The following C8A variants were observed in gnomAD, a reference collection of about 807,000 sequenced individuals.
The protein encoded by C8A is complement component C8 alpha chain.
A neutral mutation model predicts 65.3 loss-of-function variants in C8A; 67 were observed. That is an observed-to-expected ratio of 1.03 (90% CI 0.84 to 1.26). The LOEUF (loss-of-function observed/expected upper bound fraction) is 1.26. Among genes scored for constraint, C8A ranks in the 50% most tolerant of loss-of-function variants. The pLI, the probability that C8A is intolerant of heterozygous loss-of-function variation, is 0.00. For synonymous variants in C8A, 290 were observed against 259.4 expected (o/e 1.12, Z -1.13); for missense variants, 781 against 723.9 (o/e 1.08, Z -0.90).
chr1:56,898,621 T>C (rs1015728678), intron 7 of C8A, among the ~76,000 whole-genome samples: 2 of 152,152 alleles, frequency 1.3e-5, no homozygotes, highest in Non-Finnish European at 2.9e-5. Flanking sequence ...CAGTTCTGGG[T>C]TGGAAGCCTG....
intron 7 of C8A, among the ~76,000 whole-genome samples, chr1:56,887,456 G>A (rs1245846580): frequency 6.6e-6 from 1 of 152,154 alleles, no homozygotes; most frequent in East Asian, 1.9e-4. Context: ...AATGACCAGT[G>A]ATGATGAGCT....
chr1:56,885,342 A>T (rs59567194), intron 6 of C8A, among the ~76,000 whole-genome samples: 5 of 94,778 alleles, frequency 5.3e-5, no homozygotes, highest in Admixed American at 1.5e-4. Flanking sequence ...ATATATTTAC[A>T]TAAATATATA....
intron 10 of C8A, among the ~76,000 whole-genome samples, chr1:56,913,121 C>T (rs989239655): frequency 6.6e-6 from 1 of 152,118 alleles, no homozygotes; most frequent in African/African-American, 2.4e-5. Context: ...CAGTCTCTGC[C>T]TCTGTCTTCG....
At chr1:56,905,504 C>T (rs1055082941) in intron 7 of C8A, among the ~76,000 whole-genome samples, 2 of 152,222 alleles carry the variant, frequency 1.3e-5, no homozygotes, top group Admixed American at 1.3e-4. Flanking sequence ...ACACGGCACA[C>T]ACCACATTGC....
intron 1 of C8A, among the ~76,000 whole-genome samples, chr1:56,865,875 C>T (rs990979080): frequency 1.3e-5 from 2 of 152,152 alleles, no homozygotes; most frequent in African/African-American, 4.8e-5. Flanking sequence ...ATTTGTAAGG[C>T]ACATACTCAG....
Position 56,917,816 on chromosome 1 carries a change from C to A in C8A, c.*100C>A. 1 of 1,451,578 alleles carries A rather than the reference C, an allele frequency of 6.9e-7. No homozygotes were observed. Among genetic ancestry groups the A allele is most frequent in the Non-Finnish European group, 9.5e-7 (1 of 1,047,256 alleles). 89.9% of individuals were successfully genotyped at this position (1,451,578 alleles called of 1,614,324 possible). On this transcript the variant is annotated 3_prime_UTR_variant, in exon 11 of 11. Transcript: ENST00000361249. The stretch of plus-strand genomic sequence containing the variant: ...TCAACTAAGAGAAGATGCAAATCAG[C>A]ACACTTTTTTCTTTGTTCTGCCAGC...
At chr1:56,884,313 A>C (rs1461111047) in intron 6 of C8A, among the ~76,000 whole-genome samples, 1 of 152,086 alleles carries the variant, frequency 6.6e-6, no homozygotes, top group Non-Finnish European at 1.5e-5. Flanking sequence ...GATTGAAAGT[A>C]CTTCAGCCAG....
chr1:56,899,518 A>G (rs1189152466), intron 7 of C8A, among the ~76,000 whole-genome samples: 1 of 152,178 alleles, frequency 6.6e-6, no homozygotes, highest in African/African-American at 2.4e-5. Context: ...ACACTGAGTG[A>G]GCTAACACAT....
At chr1:56,895,918 C>T (rs1056056087) in intron 7 of C8A, among the ~76,000 whole-genome samples, 1 of 152,052 alleles carries the variant, frequency 6.6e-6, no homozygotes, top group Non-Finnish European at 1.5e-5. Context: ...CATTGCACTG[C>T]AGCCTGGATA....
At position 56,917,722 on chromosome 1, in the gene C8A, T is replaced by C; in HGVS notation, c.*6T>C. ...TACAGACGCAGGCTTGCTGAGGGCC[T>C]CTGGACACAGGCTGGACCAGATGCT... is the stretch of plus-strand genomic sequence containing the variant. On this transcript the variant is annotated 3_prime_UTR_variant, in exon 11 of 11. Coordinates refer to ENST00000361249, the MANE Select transcript of C8A (RefSeq NM_000562.3). 1 of 1,613,948 alleles carries C rather than the reference T, an allele frequency of 6.2e-7. No homozygotes were observed. The highest frequency in any genetic ancestry group is 8.5e-7 in the Non-Finnish European group (1 of 1,180,018).
chr1:56,877,059 G>T (rs1644205086), intron 4 of C8A, among the ~76,000 whole-genome samples: 1 of 152,184 alleles, frequency 6.6e-6, no homozygotes, highest in Admixed American at 6.5e-5. Flanking sequence ...AGAAGACAAA[G>T]ATATACCAGC....
At chr1:56,891,687 A>G (rs1415615810) in intron 7 of C8A, among the ~76,000 whole-genome samples, 1 of 152,006 alleles carries the variant, frequency 6.6e-6, no homozygotes, top group African/African-American at 2.4e-5. Context: ...CCTTTCTCTA[A>G]ATTGTATTTT....
Position 56,908,130 on chromosome 1 carries a change from T to A in C8A, c.1380+17T>A, listed in dbSNP as rs763124346. The A allele has an allele frequency of 6.2e-7, 1 of 1,613,044 alleles. No individual in the cohort carries two copies. Among genetic ancestry groups the A allele is most frequent in the South Asian group, 1.1e-5 (1 of 91,048 alleles). ...GATTTTGAGGTAAGTCTTTTCGCAGTTGAAGAAACTCTACGTCCATGAGGA... is the reference window on the plus strand; with the variant it reads ...GATTTTGAGGTAAGTCTTTTCGCAGATGAAGAAACTCTACGTCCATGAGGA... On this transcript the variant is annotated intron_variant, in intron 9 of 10. Transcript: ENST00000361249.
chr1:56,864,963 A>T (rs1382459693), intron 1 of C8A, among the ~76,000 whole-genome samples: 1 of 152,210 alleles, frequency 6.6e-6, no homozygotes, highest in Non-Finnish European at 1.5e-5. Flanking sequence ...GGCCTTGGTC[A>T]AAATCAAGGC....
At chr1:56,867,526 A>C in intron 1 of C8A, 83 bp from the exon 2 acceptor site, 1 of 937,844 alleles carries the variant, frequency 1.1e-6, no homozygotes, top group Non-Finnish European at 1.7e-6. Flanking sequence ...ACCATGTTTT[A>C]CTGGAAGGAA....
intron 7 of C8A, among the ~76,000 whole-genome samples, chr1:56,900,237 G>C (rs1056239038): frequency 6.6e-6 from 1 of 152,210 alleles, no homozygotes; most frequent in African/African-American, 2.4e-5. Flanking sequence ...GTAGCATGAT[G>C]AAATGGAGCA....
chr1:56,912,460 C>A lies in C8A; in HGVS notation c.1438C>A (p.Arg480Ser), dbSNP rs774470099. The change falls in exon 10 of 11, where the codon CGC (arginine) becomes AGC (serine). Residue 480 changes from arginine (R) to serine (S), a missense_variant. Arg to Ser is a moderately radical substitution (Grantham distance 110). Coordinates refer to ENST00000361249, the MANE Select transcript of C8A (RefSeq NM_000562.3). ...AAGCCTGGGGCCTCTGGAGGCCAAG[C>A]GCCAGAACCTGCGCCGCGCCTTGGA... is the stretch of plus-strand genomic sequence containing the variant. Reference protein sequence around the residue: ...HTSLGPLEAKRQNLRRALDQY... With the variant: ...HTSLGPLEAKSQNLRRALDQY... 5.0e-6 allele frequency: 8 copies of A among 1,614,102 alleles called. No homozygotes were observed. The East Asian group carries it at 8.9e-5, about 18-fold the overall frequency.
intron 8 of C8A, 54 bp from the exon 9 acceptor site, chr1:56,907,902 A>G: frequency 6.2e-7 from 1 of 1,603,872 alleles, no homozygotes; most frequent in Non-Finnish European, 8.5e-7. Context: ...TTTGTCAACC[A>G]GTCCTTGGGC....
At chr1:56,894,302 C>T (rs775295780) in intron 7 of C8A, among the ~76,000 whole-genome samples, 2 of 152,032 alleles carry the variant, frequency 1.3e-5, no homozygotes, top group South Asian at 2.1e-4. Flanking sequence ...CTCCACCTGC[C>T]CATTTCTTTG....
Sources: allele counts gnomAD v4.1 joint callset (sites outside exome capture counted in the v4.1 genomes callset), GRCh38; gene constraint gnomAD v4.1.1; transcripts MANE v1.5; gene names NCBI Gene and HGNC (gene_info 2026-07-23, HGNC 2026-07-21).